The following ACTB variants were observed in gnomAD, a reference collection of about 807,000 sequenced individuals.
ACTB encodes actin beta.
In ACTB, 2 loss-of-function variants were observed where a neutral mutation model predicts 30.5. That is an observed-to-expected ratio of 0.07 (90% CI 0.03 to 0.21). ACTB has a LOEUF of 0.21. Among genes scored for constraint, ACTB ranks in the 10% least tolerant of loss-of-function variants. ACTB has a pLI of 1.00. For missense variants in ACTB, 56 were observed against 530.0 expected, an observed-to-expected ratio of 0.11 and a Z score of 8.78; for synonymous variants, 335 against 217.6, an observed-to-expected ratio of 1.54 and a Z score of -4.75.
Position 5,529,179 on chromosome 7 carries a change from G to A in ACTB, c.345C>T (p.Asn115=), listed in dbSNP as rs751558283. 5.6e-6 allele frequency: 9 copies of A among 1,613,960 alleles called. No homozygotes were observed. Among genetic ancestry groups the A allele is most frequent in the African/African-American group, 1.3e-5 (1 of 74,930 alleles). The change falls in exon 3 of 6, where the codon AAC becomes AAT. Residue 115 remains asparagine, a synonymous_variant. Coordinates refer to ENST00000646664, the MANE Select transcript of ACTB (RefSeq NM_001101.5). ...CACTCACCTGGGTCATCTTCTCGCG[G>A]TTGGCCTTGGGGTTCAGGGGGGCCT... ...LTEAPLNPKA[N]REKMTQIMFE...
At position 5,527,877 on chromosome 7, in the gene ACTB, A is replaced by G. The variant is rs773181139; in HGVS notation, c.999T>C (p.Pro333=). The change falls in exon 6 of 6, where the codon CCT becomes CCC. Residue 333 remains proline (P), a synonymous_variant. Coordinates refer to ENST00000646664, the MANE Select transcript of ACTB (RefSeq NM_001101.5). Reference sequence around the variant, plus strand: ...CGATCCACACGGAGTACTTGCGCTCAGGAGGAGCAATGATCTGAGGAGGGA... The same window carrying G: ...CGATCCACACGGAGTACTTGCGCTCGGGAGGAGCAATGATCTGAGGAGGGA... The part of the protein sequence containing the change: ...STMKIKIIAP[P]ERKYSVWIGG... The G allele has an allele frequency of 2.5e-6, 4 of 1,614,084 alleles. 1 individual carries two copies. In the South Asian group the frequency reaches 4.4e-5, roughly 18 times the overall value.
chr7:5,528,187 TGA>T lies in ACTB; in HGVS notation c.803-4_803-3del. On this transcript the variant is annotated splice_polypyrimidine_tract_variant and splice_region_variant and intron_variant, in intron 4 of 5. Transcript: ENST00000646664. ...CGTGGATGCCACAGGACTCCATGCC[TGA>T]GAGGGAAATGAGGGCAGGACTTAGC... is the stretch of plus-strand genomic sequence containing the variant. 1 of 1,613,596 alleles carries T rather than the reference TGA, an allele frequency of 6.2e-7. No individual in the cohort carries two copies. The highest frequency in any genetic ancestry group is 1.1e-5 in the South Asian group (1 of 91,074).
chr7:5,528,921 G>T, intron 3 of ACTB: 1 of 1,476,560 alleles, frequency 6.8e-7, no homozygotes, highest in Non-Finnish European at 9.2e-7. Flanking sequence ...TGTCACACGA[G>T]CCAGTGTTAG....
At chr7:5,529,807 A>T (rs921402675) in intron 1 of ACTB, 144 bp from the exon 2 acceptor site, 1 of 1,351,080 alleles carries the variant, frequency 7.4e-7, no homozygotes, top group Non-Finnish European at 1.0e-6. Flanking sequence ...CGTTATTACC[A>T]TAAAAGGCAA....
Position 5,527,305 on chromosome 7 carries a change from C to G in ACTB, c.*443G>C, listed in dbSNP as rs548056688. On this transcript the variant is annotated 3_prime_UTR_variant, in exon 6 of 6. Coordinates refer to ENST00000646664, the MANE Select transcript of ACTB (RefSeq NM_001101.5). ...AGGGGGGGCACGAAGGCTCATCATT[C>G]AAAATAAAACAAAATAAAAAAGTAT... The G allele has an allele frequency of 6.1e-5, 15 of 247,772 alleles. No individual in the cohort carries two copies. Among genetic ancestry groups the G allele is most frequent in the Non-Finnish European group, 1.1e-4 (14 of 124,628 alleles). The allele number at this position is 247,772 out of a possible 1,614,324, so 15.3% of individuals were successfully genotyped here.
chr7:5,528,202 G>A lies in ACTB; in HGVS notation c.803-17C>T, dbSNP rs1250144355. 5 of 1,613,750 alleles carry A rather than the reference G, an allele frequency of 3.1e-6. No homozygotes were observed. The Admixed American group carries it at 5.0e-5, about 16-fold the overall frequency. Reference sequence around the variant, plus strand: ...ACTCCATGCCTGAGAGGGAAATGAGGGCAGGACTTAGCTTCCACAGCACAG... The same window carrying A: ...ACTCCATGCCTGAGAGGGAAATGAGAGCAGGACTTAGCTTCCACAGCACAG... On this transcript the variant is annotated splice_polypyrimidine_tract_variant and intron_variant, in intron 4 of 5. Coordinates refer to ENST00000646664, the MANE Select transcript of ACTB (RefSeq NM_001101.5).
intron 1 of ACTB, 37 bp from the exon 2 acceptor site, chr7:5,529,700 GC>G: frequency 6.2e-7 from 1 of 1,610,208 alleles, no homozygotes; most frequent in Non-Finnish European, 8.5e-7. Flanking sequence ...AGCCGAGGTC[GC>G]CCCCGCCCTG....
At chr7:5,528,866 A>G in intron 3 of ACTB, 147 bp from the exon 4 acceptor site, 1 of 1,375,444 alleles carries the variant, frequency 7.3e-7, no homozygotes, top group Non-Finnish European at 1.0e-6. Context: ...CTGTGCACCT[A>G]CTTAATACAC....
intron 3 of ACTB, 177 bp downstream of exon 3, chr7:5,528,984 G>A: frequency 3.2e-6 from 5 of 1,584,540 alleles, no homozygotes; most frequent in Non-Finnish European, 4.3e-6. Flanking sequence ...ACAAACACCA[G>A]AAAAAGAGCT....
rs1257563793 is a variant in ACTB at position 5,529,860 on chromosome 7, G to A, written c.-6-197C>T. On this transcript the variant is annotated intron_variant, in intron 1 of 5. Transcript: ENST00000646664. The stretch of plus-strand genomic sequence containing the variant: ...CCCCGCGGCGCGCGGCAGGAAGCCA[G>A]GCCCCAACCCCCTCCCAACCGGGCG... 12 of 919,012 alleles carry A rather than the reference G, an allele frequency of 1.3e-5. No individual in the cohort carries two copies. The East Asian group carries it at 3.1e-4, about 24-fold the overall frequency. The allele number at this position is 919,012 out of a possible 1,614,324, so 56.9% of individuals were successfully genotyped here.
Position 5,528,269 on chromosome 7 carries a change from G to A in ACTB, c.802+12C>T, listed in dbSNP as rs758868066. ...TCATGTCAGGCAGAGCCGGGAGACAGTCTCCACTCACCCAGGAAGGAAGGC... is the reference window on the plus strand; with the variant it reads ...TCATGTCAGGCAGAGCCGGGAGACAATCTCCACTCACCCAGGAAGGAAGGC... On this transcript the variant is annotated intron_variant, in intron 4 of 5. Coordinates refer to ENST00000646664, the MANE Select transcript of ACTB (RefSeq NM_001101.5). 3.7e-6 allele frequency: 6 copies of A among 1,613,264 alleles called. No individual in the cohort carries two copies. In the South Asian group the frequency reaches 6.6e-5, roughly 18 times the overall value.
Position 5,527,653 on chromosome 7 carries a change from A to G in ACTB, c.*95T>C, listed in dbSNP as rs563132910. The G allele has an allele frequency of 1.9e-6, 3 of 1,577,926 alleles. No individual in the cohort carries two copies. The highest frequency in any genetic ancestry group is 1.2e-5 in the South Asian group (1 of 85,668). ...AAAAAAAAAAAACCAAAACAAAACA[A>G]AAAAAACAAATAAAGCCATGCCAAT... On this transcript the variant is annotated 3_prime_UTR_variant, in exon 6 of 6. Transcript: ENST00000646664.
chr7:5,528,227 GCCCCGAGGGGTAA>G, intron 4 of ACTB, 41 bp downstream of exon 4: 1 of 1,613,858 alleles, frequency 6.2e-7, no homozygotes, highest in Non-Finnish European at 8.5e-7. Context: ...CCACAGCACA[GCCCCGAGGGGTAA>G]CCCTCATGTC....
chr7:5,529,519 C>T lies in ACTB; in HGVS notation c.123+16G>A. ...CGCCCGCTCCCGGGGCTGCCCCACC[C>T]AGCCAGCTCCCCTACCTGGTGCCTG... On this transcript the variant is annotated intron_variant, in intron 2 of 5. Transcript: ENST00000646664. The T allele has an allele frequency of 5.0e-6, 8 of 1,611,658 alleles. No individual in the cohort carries two copies. The highest frequency in any genetic ancestry group is 1.1e-5 in the South Asian group (1 of 90,994).
In ACTB at chr7:5,528,300, G is replaced by A. The variant is rs1057523531; in HGVS notation, c.783C>T (p.Leu261=). ...GNERFRCPEA[L]FQPSFLGMES... The stretch of plus-strand genomic sequence containing the variant: ...ACTCACCCAGGAAGGAAGGCTGGAA[G>A]AGTGCCTCAGGGCAGCGGAACCGCT... Residue 261 remains leucine, a synonymous_variant, in exon 4 of 6, where the codon CTC becomes CTT. Coordinates refer to ENST00000646664, the MANE Select transcript of ACTB (RefSeq NM_001101.5). The A allele has an allele frequency of 1.9e-6, 3 of 1,614,200 alleles. No homozygotes were observed. Among genetic ancestry groups the A allele is most frequent in the Admixed American group, 1.7e-5 (1 of 60,026 alleles).
rs1344112800 is a variant in ACTB, at chr7:5,528,809, C to T, written c.364-90G>A. On this transcript the variant is annotated intron_variant, in intron 3 of 5. Coordinates refer to ENST00000646664, the MANE Select transcript of ACTB (RefSeq NM_001101.5). ...GGACATGCAGAAAGTGCAAAGAACA[C>T]GGCTAAGTGTGCTGGGGTCTTGGGA... 7 of 1,512,198 alleles carry T rather than the reference C, an allele frequency of 4.6e-6. No individual in the cohort carries two copies. In the Admixed American group the frequency reaches 5.0e-5, roughly 11 times the overall value. The allele number at this position is 1,512,198 out of a possible 1,614,324, so 93.7% of individuals were successfully genotyped here. A position where few individuals can be genotyped will look rare whatever the true frequency, so the allele number is the denominator to read the frequency against.
chr7:5,529,417 A>G lies in ACTB; in HGVS notation c.124-17T>C, dbSNP rs758877533. 2 of 1,613,840 alleles carry G rather than the reference A, an allele frequency of 1.2e-6. No homozygotes were observed. Among genetic ancestry groups the G allele is most frequent in the South Asian group, 1.1e-5 (1 of 91,086 alleles). On this transcript the variant is annotated splice_polypyrimidine_tract_variant and intron_variant, in intron 2 of 5. Coordinates refer to ENST00000646664, the MANE Select transcript of ACTB (RefSeq NM_001101.5). ...CATCACGCCCTGGGAAGGAAAGGAC[A>G]AGAAGCCCTGAGCACGGGCGCAGCC...
chr7:5,527,953 G>A (rs1194162463), intron 5 of ACTB, 51 bp downstream of exon 5: 4 of 1,613,114 alleles, frequency 2.5e-6, no homozygotes, highest in South Asian at 1.1e-5. Flanking sequence ...ACACACCACA[G>A]GACCCCACAG....
At chr7:5,529,709 C>A (rs1231312461) in intron 1 of ACTB, 46 bp from the exon 2 acceptor site, 1 of 1,609,770 alleles carries the variant, frequency 6.2e-7, no homozygotes. Flanking sequence ...CGCCCCCGCC[C>A]TGGCCACTTC....
Sources: allele counts gnomAD v4.1 joint callset, GRCh38; gene constraint gnomAD v4.1.1; transcripts MANE v1.5; gene names NCBI Gene and HGNC (gene_info 2026-07-23, HGNC 2026-07-21).